TBC1D8: variants seen among roughly 807,000 people sequenced by gnomAD.
TBC1D8 encodes TBC1 domain family member 8.
Under a neutral mutation model 118.8 loss-of-function variants are expected in TBC1D8, and 65 were observed. The ratio of observed to expected loss-of-function variants is 0.55; its 90% CI spans 0.45 to 0.67. The LOEUF is 0.67. TBC1D8 is among the 30% of genes least tolerant of loss of function. TBC1D8 has a pLI of 0.00. For missense variants in TBC1D8, 1,376 were observed against 1,471.2 expected (o/e 0.94, Z 1.06); for synonymous variants, 566 against 595.8 (o/e 0.95, Z 0.73).
At chr2:101,022,743 A>G (rs758795073) in intron 15 of TBC1D8, among the ~76,000 whole-genome samples, 32 of 152,232 alleles carry the variant, frequency 2.1e-4, no homozygotes, top group Non-Finnish European at 2.5e-4. Flanking sequence ...TAAAATATAC[A>G]TAACGTAAAA....
At chr2:101,051,053 C>T (rs1682040571) in intron 4 of TBC1D8, among the ~76,000 whole-genome samples, 1 of 152,206 alleles carries the variant, frequency 6.6e-6, no homozygotes, top group African/African-American at 2.4e-5. Context: ...ATAATGGCCT[C>T]CAGCTCCATC....
chr2:101,070,420 T>TC (rs1460429142), intron 2 of TBC1D8, among the ~76,000 whole-genome samples: 3 of 150,790 alleles, frequency 2.0e-5, no homozygotes, highest in African/African-American at 4.9e-5. Context: ...AATCTGATTT[T>TC]TTTTTTTTTT....
At chr2:101,060,161 C>T (rs1682678702) in intron 2 of TBC1D8, among the ~76,000 whole-genome samples, 3 of 152,240 alleles carry the variant, frequency 2.0e-5, no homozygotes, top group Admixed American at 2.0e-4. Flanking sequence ...TGACCATCTC[C>T]ACTCAAATGA....
intron 3 of TBC1D8, among the ~76,000 whole-genome samples, chr2:101,058,448 A>G (rs1015913755): frequency 4.6e-5 from 7 of 152,342 alleles, no homozygotes; most frequent in African/African-American, 1.7e-4. Context: ...AAACTGTATC[A>G]TACGCTAATG....
intron 10 of TBC1D8, 47 bp from the exon 11 acceptor site, chr2:101,032,432 C>T: frequency 6.6e-7 from 1 of 1,524,170 alleles, no homozygotes; most frequent in Non-Finnish European, 9.1e-7. Context: ...CCATGTGATG[C>T]CACAGAGATG....
At chr2:101,018,125 A>G in intron 17 of TBC1D8, 1 of 540,110 alleles carries the variant, frequency 1.9e-6, no homozygotes, top group Non-Finnish European at 3.3e-6. Flanking sequence ...TAAAGTTTTC[A>G]GAATAACAAA....
intron 1 of TBC1D8, among the ~76,000 whole-genome samples, chr2:101,104,684 G>C (rs530187558): frequency 1.3e-5 from 2 of 152,236 alleles, no homozygotes; most frequent in Admixed American, 6.5e-5. Flanking sequence ...ATTCAAAATG[G>C]CTCATAAACC....
At chr2:101,038,284 T>C (rs972104522) in intron 7 of TBC1D8, among the ~76,000 whole-genome samples, 177 bp downstream of exon 7, 1 of 152,110 alleles carries the variant, frequency 6.6e-6, no homozygotes, top group Admixed American at 6.5e-5. Flanking sequence ...CCCTCCAAGC[T>C]GTGGGGCAAT....
At chr2:101,022,800 T>G (rs1680119918) in intron 15 of TBC1D8, among the ~76,000 whole-genome samples, 1 of 152,174 alleles carries the variant, frequency 6.6e-6, no homozygotes, top group African/African-American at 2.4e-5. Flanking sequence ...CTAACATAGT[T>G]TTCATTATAG....
At chr2:101,093,821 T>C (rs1222991560) in intron 1 of TBC1D8, among the ~76,000 whole-genome samples, 28 of 151,940 alleles carry the variant, frequency 1.8e-4, no homozygotes, top group Admixed American at 1.8e-3. Context: ...GCGATCCTCC[T>C]GCCTCAGCAA....
chr2:101,038,769 G>C, intron 6 of TBC1D8, 114 bp from the exon 7 acceptor site: 1 of 1,219,970 alleles, frequency 8.2e-7, no homozygotes, highest in Non-Finnish European at 1.2e-6. Flanking sequence ...GCAGAAAGGA[G>C]ATGATGCAAT....
At chr2:101,041,284 G>C (rs916230341) in intron 5 of TBC1D8, among the ~76,000 whole-genome samples, 1 of 152,166 alleles carries the variant, frequency 6.6e-6, no homozygotes, top group African/African-American at 2.4e-5. Flanking sequence ...AATAACCCAA[G>C]TGTCCATTAA....
chr2:101,112,725 G>A (rs868705118), intron 1 of TBC1D8, among the ~76,000 whole-genome samples: 3 of 152,232 alleles, frequency 2.0e-5, no homozygotes, highest in South Asian at 2.1e-4. Flanking sequence ...TGTGTAACCC[G>A]CCCTTACCTT....
intron 1 of TBC1D8, among the ~76,000 whole-genome samples, chr2:101,099,798 A>C (rs1015221933): frequency 6.6e-6 from 1 of 152,252 alleles, no homozygotes; most frequent in Admixed American, 6.5e-5. Flanking sequence ...AAGGCCTTTG[A>C]TAAAATTCAA....
intron 19 of TBC1D8, 59 bp downstream of exon 19, chr2:101,010,870 A>T: frequency 7.0e-7 from 1 of 1,420,878 alleles, no homozygotes; most frequent in South Asian, 1.2e-5. Flanking sequence ...CGACAGAGCG[A>T]GACTCCATCT....
chr2:101,059,391 G>A lies in TBC1D8; in HGVS notation c.402+30C>T, dbSNP rs774347119. ...TCTTAAGGAAGAAAGATGGAAAGAT[G>A]GGGAGAAACATGAAACTCAGGGGAC... On this transcript the variant is annotated intron_variant, in intron 3 of 19. Coordinates refer to ENST00000409318, the MANE Select transcript of TBC1D8 (RefSeq NM_001330348.2). 2.7e-6 allele frequency: 4 copies of A among 1,508,398 alleles called. No individual in the cohort carries two copies. The Admixed American group carries it at 5.0e-5, about 19-fold the overall frequency. 93.4% of individuals were successfully genotyped at this position (1,508,398 alleles called of 1,614,324 possible). A position where few individuals can be genotyped will look rare whatever the true frequency, so the allele number is the denominator to read the frequency against.
intron 1 of TBC1D8, among the ~76,000 whole-genome samples, chr2:101,143,567 G>A (rs892296781): frequency 7.2e-5 from 11 of 152,106 alleles, no homozygotes; most frequent in Middle Eastern, 3.4e-3. Flanking sequence ...TTCCCCCGCC[G>A]CCCCTACCCC....
chr2:101,009,914 C>T (rs936753627), intron 19 of TBC1D8, among the ~76,000 whole-genome samples: 11 of 151,158 alleles, frequency 7.3e-5, no homozygotes, highest in Admixed American at 1.3e-4. Flanking sequence ...CTCCGCCTCC[C>T]GGGTTCATGC....
At chr2:101,040,522 T>C (rs1200916214) in intron 5 of TBC1D8, 137 bp from the exon 6 acceptor site, 1 of 853,052 alleles carries the variant, frequency 1.2e-6, no homozygotes, top group African/African-American at 1.7e-5. Context: ...CAGGATGGAG[T>C]GCAGTGGTGC....
Sources: allele counts gnomAD v4.1 joint callset (sites outside exome capture counted in the v4.1 genomes callset), GRCh38; gene constraint gnomAD v4.1.1; transcripts MANE v1.5; gene names NCBI Gene and HGNC (gene_info 2026-07-23, HGNC 2026-07-21).